The following HDAC9 variants were observed in gnomAD, a reference collection of about 807,000 sequenced individuals.
The protein encoded by HDAC9 is histone deacetylase 9, also known as MEF-2 interacting transcription repressor (MITR) protein.
A neutral mutation model predicts 139.4 loss-of-function variants in HDAC9; 41 were observed. The ratio of observed to expected loss-of-function variants is 0.29; its 90% CI spans 0.23 to 0.38. The LOEUF (loss-of-function observed/expected upper bound fraction) is 0.38, where lower values mean the gene tolerates loss of function less well. Ranked by LOEUF, HDAC9 falls within the 10% of genes least tolerant of loss-of-function variation. The pLI, the probability that HDAC9 is intolerant of heterozygous loss-of-function variation, is 1.00. For missense variants in HDAC9, 1,147 were observed against 1,297.0 expected (o/e 0.88, Z 1.78); for synonymous variants, 517 against 476.2 (o/e 1.09, Z -1.12).
rs569517128 is a variant in HDAC9, at chr7:18,430,154, T to G, written c.-41-66108T>G. On this transcript the variant is annotated intron_variant, in intron 1 of 3. Coordinates refer to the HDAC9 transcript ENST00000413509. ...TGCCAAAGCTTGGAAATTGACCCAA[T>G]TTGAATTTATAGCTTGAACTTGTTC... Among the ~76,000 whole-genome samples, 4 of 152,258 alleles carry G rather than the reference T, an allele frequency of 2.6e-5. No homozygotes were observed. In the South Asian group the frequency reaches 8.3e-4, roughly 32 times the overall value.
chr7:18,214,438 A>G (rs910552933), intron 2 of HDAC9, among the ~76,000 whole-genome samples: 1 of 152,108 alleles, frequency 6.6e-6, no homozygotes, highest in East Asian at 1.9e-4. Context: ...ATTTATTTTA[A>G]GCTCAGATTG....
At chr7:18,746,062 G>T (rs537617866) in intron 13 of HDAC9, among the ~76,000 whole-genome samples, 1 of 150,900 alleles carries the variant, frequency 6.6e-6, no homozygotes, top group Non-Finnish European at 1.5e-5. Flanking sequence ...GTGGAGACAG[G>T]GTCTCCCTAT....
intron 2 of HDAC9, among the ~76,000 whole-genome samples, chr7:18,256,906 A>G (rs1434817723): frequency 6.6e-6 from 1 of 151,912 alleles, no homozygotes; most frequent in Non-Finnish European, 1.5e-5. Flanking sequence ...TGGGCAACAT[A>G]GTAAGGCCAC....
At chr7:18,824,059 A>G (rs978092106) in intron 17 of HDAC9, among the ~76,000 whole-genome samples, 3 of 147,766 alleles carry the variant, frequency 2.0e-5, no homozygotes, top group Admixed American at 6.7e-5. Context: ...AAGAAGAAGA[A>G]GAAGAAGAAG....
intron 1 of HDAC9, among the ~76,000 whole-genome samples, chr7:18,352,010 T>C (rs186200700): frequency 6.6e-6 from 1 of 152,228 alleles, no homozygotes; most frequent in Admixed American, 6.5e-5. Context: ...GAACAAAAGC[T>C]CAAGAAGAAA....
chr7:18,829,278 G>A (rs573146999), intron 18 of HDAC9, 62 bp downstream of exon 18: 25 of 1,348,870 alleles, frequency 1.9e-5, no homozygotes, highest in Non-Finnish European at 2.3e-5. Context: ...CACCTGCCCC[G>A]TGCATGTTTC....
At chr7:18,871,252 C>T (rs940715907) in intron 21 of HDAC9, among the ~76,000 whole-genome samples, 5 of 152,156 alleles carry the variant, frequency 3.3e-5, no homozygotes, top group African/African-American at 9.7e-5. Flanking sequence ...GTCCTGTTGA[C>T]ATGTCCATGT....
At chr7:18,728,387 G>A (rs1785729814) in intron 13 of HDAC9, among the ~76,000 whole-genome samples, 2 of 143,756 alleles carry the variant, frequency 1.4e-5, no homozygotes, top group South Asian at 4.5e-4. Flanking sequence ...AAGGCCAAAG[G>A]AAGGTTAAGT....
chr7:18,130,451 T>G (rs1784931375), intron 1 of HDAC9, among the ~76,000 whole-genome samples: 1 of 152,122 alleles, frequency 6.6e-6, no homozygotes, highest in South Asian at 2.1e-4. Flanking sequence ...TGTAGTTGCT[T>G]TTTTTGGTGT....
chr7:18,104,832 G>T (rs1472059156), intron 1 of HDAC9, among the ~76,000 whole-genome samples: 1 of 152,028 alleles, frequency 6.6e-6, no homozygotes, highest in Non-Finnish European at 1.5e-5. Context: ...TTTTGTTGAT[G>T]CCACACAGAA....
chr7:18,137,478 C>A (rs1785513900), intron 1 of HDAC9, among the ~76,000 whole-genome samples: 1 of 151,926 alleles, frequency 6.6e-6, no homozygotes, highest in African/African-American at 2.4e-5. Context: ...AAATACATCC[C>A]ATCATTACCT....
intron 2 of HDAC9, among the ~76,000 whole-genome samples, chr7:18,167,703 C>A (rs79929986): frequency 0.045 from 6,915 of 152,086 alleles, 174 homozygotes; most frequent in Non-Finnish European, 0.058. Context: ...GAGAGGTTTC[C>A]AAAGGTACAT....
intron 2 of HDAC9, among the ~76,000 whole-genome samples, chr7:18,174,752 G>A (rs1788741771): frequency 6.6e-6 from 1 of 152,178 alleles, no homozygotes; most frequent in Admixed American, 6.5e-5. Flanking sequence ...GTCCTCTCCA[G>A]ACGCCGTTTG....
intron 22 of HDAC9, among the ~76,000 whole-genome samples, chr7:18,895,546 C>T (rs908302052): frequency 6.6e-6 from 1 of 152,042 alleles, no homozygotes. Flanking sequence ...TCACTAAATC[C>T]TATTCTAAAG....
intron 19 of HDAC9, among the ~76,000 whole-genome samples, chr7:18,833,462 A>G (rs1239111694): frequency 6.6e-6 from 1 of 152,234 alleles, no homozygotes; most frequent in African/African-American, 2.4e-5. Context: ...ACTATTGTAT[A>G]GGGGAAATAC....
chr7:18,111,954 A>G (rs1182775399), intron 1 of HDAC9, among the ~76,000 whole-genome samples: 1 of 152,170 alleles, frequency 6.6e-6, no homozygotes, highest in Non-Finnish European at 1.5e-5. Flanking sequence ...CTGCCTTGAG[A>G]GAGCTGGATT....
chr7:18,484,197 T>C (rs974056358), intron 1 of HDAC9, among the ~76,000 whole-genome samples: 1 of 146,740 alleles, frequency 6.8e-6, no homozygotes, highest in Non-Finnish European at 1.5e-5. Context: ...AAAAAAAAAT[T>C]AGCCAGTCAT....
chr7:18,177,570 G>T (rs368538666), intron 2 of HDAC9, among the ~76,000 whole-genome samples: 1 of 152,060 alleles, frequency 6.6e-6, no homozygotes, highest in South Asian at 2.1e-4. Context: ...GGAGTGTCCT[G>T]TTTACTTATC....
intron 12 of HDAC9, among the ~76,000 whole-genome samples, chr7:18,697,834 T>A (rs899835661): frequency 6.6e-6 from 1 of 152,026 alleles, no homozygotes; most frequent in Non-Finnish European, 1.5e-5. Context: ...CTGCCAAGAT[T>A]TTTATTTTAG....
Sources: gnomAD v4.1 joint callset for allele counts (sites outside exome capture counted in the v4.1 genomes callset) on GRCh38, gnomAD v4.1.1 for gene constraint, MANE v1.5 for transcripts, NCBI Gene and HGNC (gene_info 2026-07-23, HGNC 2026-07-21) for gene names.